AIRE: variants seen among roughly 807,000 people sequenced by gnomAD.
The protein encoded by AIRE is autoimmune polyendocrinopathy candidiasis ectodermal dystrophy protein.
Under a neutral mutation model 62.1 loss-of-function variants are expected in AIRE, and 52 were observed. That is an observed-to-expected ratio of 0.84 (90% confidence interval 0.67 to 1.06). The LOEUF is 1.06. AIRE is among the 50% of genes least tolerant of loss of function. AIRE has a pLI of 0.00. For missense variants in AIRE, 774 were observed against 755.8 expected (o/e 1.02, Z -0.28); for synonymous variants, 342 against 321.6 (o/e 1.06, Z -0.68).
intron 5 of AIRE, chr21:44,289,291 G>C (rs546102157): frequency 3.2e-5 from 10 of 312,718 alleles, no homozygotes; most frequent in African/African-American, 2.1e-4. Flanking sequence ...CACCGCTCCA[G>C]CCTCTGCTTC....
At position 44,287,757 on chromosome 21, in the gene AIRE, G is replaced by T. The variant is rs1228442813; in HGVS notation, c.538+166G>T. Among the ~76,000 whole-genome samples the T allele has an allele frequency of 6.6e-6, 1 of 151,972 alleles. No individual in the cohort carries two copies. Among genetic ancestry groups the T allele is most frequent in the Non-Finnish European group, 1.5e-5 (1 of 67,970 alleles). ...GCTGCACCACCAGACCCAGGAAGGG[G>T]ACACCTTGGGTCTAAGCATGATCTT... On this transcript the variant is annotated intron_variant, in intron 4 of 13. Coordinates refer to ENST00000291582, the MANE Select transcript of AIRE (RefSeq NM_000383.4). This position sits in a 1 kb window ranked among gnomAD's most constrained non-coding sequence, Gnocchi z 4.3.
Position 44,286,016 on chromosome 21 carries a change from G to GACGCGGCGCT in AIRE, c.15_24dup (p.Arg9GlyfsTer29). 1 of 1,532,266 alleles carries GACGCGGCGCT rather than the reference G, an allele frequency of 6.5e-7. No homozygotes were observed. Among genetic ancestry groups the GACGCGGCGCT allele is most frequent in the South Asian group, 1.2e-5 (1 of 83,794 alleles). The allele number at this position is 1,532,266 out of a possible 1,614,324, so 94.9% of individuals were successfully genotyped here. ...TCCCCGCGCCCACCCCATGGCGACG[G>GACGCGGCGCT]ACGCGGCGCTACGCCGGCTTCTGAG... On this transcript the variant is annotated frameshift_variant, in exon 1 of 14. Transcript: ENST00000291582. LOFTEE classifies it high-confidence loss of function. This position sits in a 1 kb window ranked among gnomAD's most constrained non-coding sequence, Gnocchi z 6.0.
Position 44,287,364 on chromosome 21 carries a change from A to G in AIRE, c.464-153A>G. 1 of 720,994 alleles carries G rather than the reference A, an allele frequency of 1.4e-6. No individual in the cohort carries two copies. The allele number at this position is 720,994 out of a possible 1,614,324, so 44.7% of individuals were successfully genotyped here. A position where few individuals can be genotyped will look rare whatever the true frequency, so the allele number is the denominator to read the frequency against. On this transcript the variant is annotated intron_variant, in intron 3 of 13. Transcript: ENST00000291582. This position sits in a 1 kb window ranked among gnomAD's most constrained non-coding sequence, Gnocchi z 4.3. ...CTGGTGAAGTAGGCGGGCGGGTCTC[A>G]TTTCCCTTTTACTGATGAGAAACCA...
At chr21:44,294,062 C>A in intron 11 of AIRE, 152 bp downstream of exon 11, 1 of 1,058,652 alleles carries the variant, frequency 9.4e-7, no homozygotes, top group Non-Finnish European at 1.4e-6. Flanking sequence ...CACACCCATG[C>A]CCTGCACCCA....
At position 44,286,371 on chromosome 21, in the gene AIRE, C is replaced by T. The variant is rs1345608657; in HGVS notation, c.133-186C>T. On this transcript the variant is annotated intron_variant, in intron 1 of 13. Transcript: ENST00000291582. This position sits in a 1 kb window ranked among gnomAD's most constrained non-coding sequence, Gnocchi z 6.0. ...GCCAAGGGAATGGCCTCCAGGTTCC[C>T]CCAGCCCCACCCTCAACACCCCTAC... Among the ~76,000 whole-genome samples the T allele has an allele frequency of 6.6e-6, 1 of 152,096 alleles. No homozygotes were observed.
chr21:44,296,108 G>A lies in AIRE; in HGVS notation c.1504-275G>A, dbSNP rs760427. ...CCCTCTCAGAGTGGGACTCCTTGCT[G>A]GTTCCCTGAGCTCCCTCGTTTTCCC... On this transcript the variant is annotated intron_variant, in intron 12 of 13. Transcript: ENST00000291582. 0.13 allele frequency among the ~76,000 whole-genome samples: 19,183 copies of A among 152,190 alleles called. 1,469 individuals are homozygous for A. Among genetic ancestry groups the A allele is most frequent in the East Asian group, 0.35 (1,793 of 5,164 alleles).
At chr21:44,294,284 C>T in intron 11 of AIRE, 117 bp from the exon 12 acceptor site, 2 of 467,670 alleles carry the variant, frequency 4.3e-6, no homozygotes, top group South Asian at 2.0e-5. Flanking sequence ...ACCCCTTCCT[C>T]ACACCCCACA....
rs767639114 is a variant in AIRE, at chr21:44,287,319, G to A, written c.463+186G>A. The A allele has an allele frequency of 4.2e-5, 33 of 776,788 alleles. No individual in the cohort carries two copies. Among genetic ancestry groups the A allele is most frequent in the South Asian group, 1.9e-4 (11 of 56,916 alleles). 48.1% of individuals were successfully genotyped at this position (776,788 alleles called of 1,614,324 possible). A position where few individuals can be genotyped will look rare whatever the true frequency, so the allele number is the denominator to read the frequency against. ...CCAGCCTCTCAGCTCCCTCCTGCCT[G>A]AAGGCTGAGCTCCCCGGAGCTGGTG... On this transcript the variant is annotated intron_variant, in intron 3 of 13. Transcript: ENST00000291582. The surrounding 1 kb of genome is among the most constrained non-coding windows in gnomAD (Gnocchi z 4.3).
In AIRE at chr21:44,286,101, T is replaced by C; in HGVS notation, c.95T>C (p.Leu32Pro). The change falls in exon 1 of 14, where the codon CTG becomes CCG. Residue 32 changes from leucine to proline, a missense_variant. By Grantham distance (98) the Leu-to-Pro change is moderately conservative. Transcript: ENST00000291582. The surrounding 1 kb of genome is among the most constrained non-coding windows in gnomAD (Gnocchi z 6.0). The stretch of plus-strand genomic sequence containing the variant: ...AGCGCCTTCCCACTGCTGCACGCGC[T>C]GGCTGACCACGACGTGGTCCCCGAG... ...VDSAFPLLHA[L>P]ADHDVVPEDK... The C allele has an allele frequency of 6.5e-7, 1 of 1,546,960 alleles. No homozygotes were observed. The highest frequency in any genetic ancestry group is 2.4e-5 in the East Asian group (1 of 40,890).
At position 44,297,845 on chromosome 21, in the gene AIRE, G is replaced by A; in HGVS notation, c.*118G>A. The A allele has an allele frequency of 2.1e-6, 2 of 937,996 alleles. No individual in the cohort carries two copies. The highest frequency in any genetic ancestry group is 2.8e-5 in the South Asian group (2 of 71,914). 58.1% of individuals were successfully genotyped at this position (937,996 alleles called of 1,614,324 possible). Reference sequence around the variant, plus strand: ...AAGGGGACAGCGCCACCTCTTGTCAGTGCTCGGCTGTAAACAGCTCTGTGT... The same window carrying A: ...AAGGGGACAGCGCCACCTCTTGTCAATGCTCGGCTGTAAACAGCTCTGTGT... On this transcript the variant is annotated 3_prime_UTR_variant, in exon 14 of 14. Coordinates refer to ENST00000291582, the MANE Select transcript of AIRE (RefSeq NM_000383.4). The surrounding 1 kb of genome is among the most constrained non-coding windows in gnomAD (Gnocchi z 4.8).
intron 11 of AIRE, 25 bp downstream of exon 11, chr21:44,293,935 G>A: frequency 3.1e-6 from 5 of 1,595,166 alleles, no homozygotes; most frequent in Non-Finnish European, 4.2e-6. Flanking sequence ...TCGGCGGGGA[G>A]GCCTGAACCC....
rs1388735446 is a variant in AIRE at position 44,298,285 on chromosome 21, A to C, written c.*558A>C. 2.4e-5 allele frequency: 4 copies of C among 170,054 alleles called. No homozygotes were observed. The highest frequency in any genetic ancestry group is 1.3e-4 in the South Asian group (1 of 7,752). The allele number at this position is 170,054 out of a possible 1,614,324, so 10.5% of individuals were successfully genotyped here. A position where few individuals can be genotyped will look rare whatever the true frequency, so the allele number is the denominator to read the frequency against. On this transcript the variant is annotated 3_prime_UTR_variant, in exon 14 of 14. Transcript: ENST00000291582. ...AATGGAAACTCTGGCCCCATGAAAC[A>C]CTCACTCCCCATTCCCCTCCCAACC...
At chr21:44,290,559 C>T (rs901313845) in intron 7 of AIRE, 3 of 754,344 alleles carry the variant, frequency 4.0e-6, no homozygotes, top group African/African-American at 3.8e-5. Context: ...CCTGCAGGAG[C>T]ACCCGGGCTG....
At position 44,287,027 on chromosome 21, in the gene AIRE, C is replaced by G. The variant is rs1442518334; in HGVS notation, c.357C>G (p.Pro119=). The G allele has an allele frequency of 6.2e-7, 1 of 1,612,832 alleles. No homozygotes were observed. Among genetic ancestry groups the G allele is most frequent in the Non-Finnish European group, 8.5e-7 (1 of 1,180,002 alleles). ...PRKGRKPPAV[P]KALVPPPRLP... Reference sequence around the variant, plus strand: ...AGGGGAGGAAGCCCCCGGCCGTCCCCAAGGCTTTGGTACCGCCACCCAGAC... The same window carrying G: ...AGGGGAGGAAGCCCCCGGCCGTCCCGAAGGCTTTGGTACCGCCACCCAGAC... The change falls in exon 3 of 14, where the codon CCC becomes CCG. Residue 119 remains proline, a synonymous_variant. Transcript: ENST00000291582. This position sits in a 1 kb window ranked among gnomAD's most constrained non-coding sequence, Gnocchi z 4.3.
chr21:44,290,894 G>T, intron 7 of AIRE: 1 of 1,610,016 alleles, frequency 6.2e-7, no homozygotes, highest in Non-Finnish European at 8.5e-7. Flanking sequence ...GGCCCCGGGG[G>T]GTGTCTGTTG....
At chr21:44,294,817 G>C (rs755453000) in intron 12 of AIRE, among the ~76,000 whole-genome samples, 1 of 152,164 alleles carries the variant, frequency 6.6e-6, no homozygotes, top group Non-Finnish European at 1.5e-5. Context: ...TGAAGGGAGA[G>C]CGGGAGCGCC....
At chr21:44,295,161 G>C (rs989787130) in intron 12 of AIRE, among the ~76,000 whole-genome samples, 1 of 152,182 alleles carries the variant, frequency 6.6e-6, no homozygotes, top group Non-Finnish European at 1.5e-5. Flanking sequence ...CCTGGCCACC[G>C]AGGAGCCTTT....
In AIRE at chr21:44,297,141, G is replaced by C. The variant is rs1019504451; in HGVS notation, c.1567-515G>C. Among the ~76,000 whole-genome samples, 2 of 152,216 alleles carry C rather than the reference G, an allele frequency of 1.3e-5. No homozygotes were observed. The highest frequency in any genetic ancestry group is 2.4e-5 in the African/African-American group (1 of 41,450). The stretch of plus-strand genomic sequence containing the variant: ...AGTGGGCCAGGGGGCCCAGCGCTGG[G>C]TAATGGAGCTGCCCCTCTGGATGGG... On this transcript the variant is annotated intron_variant, in intron 13 of 13. Transcript: ENST00000291582. This position sits in a 1 kb window ranked among gnomAD's most constrained non-coding sequence, Gnocchi z 4.8.
Position 44,288,438 on chromosome 21 carries a change from T to C in AIRE, c.632T>C (p.Ile211Thr). The change falls in exon 5 of 14, where the codon ATC (isoleucine) becomes ACC (threonine). Residue 211 changes from isoleucine to threonine, a missense_variant. Physicochemically the swap from Ile to Thr is moderately conservative, Grantham distance 89. Transcript: ENST00000291582. Reference sequence around the variant, plus strand: ...CGAGGGGCCGTGGAGGGGATCCTCATCCAGCAGGTGTTTGAGTCAGGTAGA... The same window carrying C: ...CGAGGGGCCGTGGAGGGGATCCTCACCCAGCAGGTGTTTGAGTCAGGTAGA... The part of the protein sequence containing the change: ...GARGAVEGIL[I>T]QQVFESGGSK... 2 of 1,608,958 alleles carry C rather than the reference T, an allele frequency of 1.2e-6. No individual in the cohort carries two copies. Among genetic ancestry groups the C allele is most frequent in the Non-Finnish European group, 1.7e-6 (2 of 1,176,118 alleles).
Sources: allele counts gnomAD v4.1 joint callset (sites outside exome capture counted in the v4.1 genomes callset), GRCh38; gene constraint gnomAD v4.1.1; non-coding constraint Gnocchi (gnomAD v3.1); transcripts MANE v1.5; gene names NCBI Gene and HGNC (gene_info 2026-07-23, HGNC 2026-07-21).